Variants in PRKG1 observed in about 807,000 individuals in gnomAD.
The protein encoded by PRKG1 is protein kinase cGMP-dependent 1.
A neutral mutation model predicts 88.1 loss-of-function variants in PRKG1; 35 were observed. That is an observed-to-expected ratio of 0.40 (90% CI 0.30 to 0.53). The LOEUF (loss-of-function observed/expected upper bound fraction) is 0.53. Among genes scored for constraint, PRKG1 ranks in the 20% least tolerant of loss-of-function variants. The pLI is 0.59. For synonymous variants in PRKG1, 303 were observed against 292.5 expected, an observed-to-expected ratio of 1.04 and a Z score of -0.37; for missense variants, 540 against 839.8, an observed-to-expected ratio of 0.64 and a Z score of 4.41.
At chr10:51,030,995 A>AT (rs1554830864) in intron 1 of PRKG1, among the ~76,000 whole-genome samples, 1 of 152,124 alleles carries the variant, frequency 6.6e-6, no homozygotes, top group Non-Finnish European at 1.5e-5. Flanking sequence ...ACTGATTTTA[A>AT]TTTTTTTACT....
intron 4 of PRKG1, among the ~76,000 whole-genome samples, chr10:51,835,747 A>G (rs1390363576): frequency 6.6e-6 from 1 of 152,204 alleles, no homozygotes; most frequent in Non-Finnish European, 1.5e-5. Flanking sequence ...CTTTGGATAT[A>G]TACCCATTAG....
chr10:51,248,374 G>C (rs1839346170), intron 2 of PRKG1, among the ~76,000 whole-genome samples: 2 of 151,774 alleles, frequency 1.3e-5, no homozygotes, highest in African/African-American at 4.8e-5. Context: ...GGTTGGAAGA[G>C]AATAGTTTGC....
At chr10:51,736,623 T>A (rs1837288129) in intron 3 of PRKG1, among the ~76,000 whole-genome samples, 1 of 150,518 alleles carries the variant, frequency 6.6e-6, no homozygotes, top group Admixed American at 6.6e-5. Flanking sequence ...TTTTTTTTTT[T>A]AAGAGACAGG....
chr10:51,641,960 G>T (rs1210664280), intron 3 of PRKG1, among the ~76,000 whole-genome samples: 1 of 152,072 alleles, frequency 6.6e-6, no homozygotes, highest in African/African-American at 2.4e-5. Context: ...TTTAAACTAT[G>T]CAAAGGTGAA....
At chr10:51,747,222 T>C (rs1437213266) in intron 3 of PRKG1, among the ~76,000 whole-genome samples, 3 of 152,214 alleles carry the variant, frequency 2.0e-5, no homozygotes, top group South Asian at 4.2e-4. Flanking sequence ...TTCACAGTTA[T>C]TATCAACTCA....
At chr10:51,061,001 G>C (rs376803630) in intron 1 of PRKG1, among the ~76,000 whole-genome samples, 16 of 151,286 alleles carry the variant, frequency 1.1e-4, no homozygotes, top group African/African-American at 3.2e-4. Context: ...ATTTTTGTCT[G>C]TCTGCTCTTA....
chr10:52,233,750 A>T (rs542070623), intron 9 of PRKG1, among the ~76,000 whole-genome samples: 1,869 of 149,908 alleles, frequency 0.012, 15 homozygotes, highest in Middle Eastern at 0.05. Flanking sequence ...GGCGCCCGCC[A>T]TTGCCCAGGC....
At chr10:51,249,469 A>G (rs941495186) in intron 2 of PRKG1, among the ~76,000 whole-genome samples, 1 of 151,824 alleles carries the variant, frequency 6.6e-6, no homozygotes, top group Non-Finnish European at 1.5e-5. Context: ...ATGGCTGTAT[A>G]TGTTGTTCCT....
chr10:51,051,519 A>G (rs569666705), intron 1 of PRKG1, among the ~76,000 whole-genome samples: 37 of 152,088 alleles, frequency 2.4e-4, no homozygotes, highest in Non-Finnish European at 4.4e-4. Context: ...TTTGCCAATC[A>G]TATTTGTTTT....
chr10:51,696,168 C>T (rs1841287051), intron 3 of PRKG1: 2 of 152,160 alleles, frequency 1.3e-5, no homozygotes, highest in African/African-American at 4.8e-5. Flanking sequence ...AAACTTCTAC[C>T]TACCTGGGCC....
chr10:52,154,897 G>T (rs1256074729), intron 8 of PRKG1, among the ~76,000 whole-genome samples: 2 of 152,094 alleles, frequency 1.3e-5, no homozygotes, highest in African/African-American at 4.8e-5. Context: ...ATGATATTTG[G>T]CTTTCCTTTC....
At chr10:51,344,505 A>G (rs1417945748) in intron 2 of PRKG1, among the ~76,000 whole-genome samples, 1 of 152,214 alleles carries the variant, frequency 6.6e-6, no homozygotes, top group Non-Finnish European at 1.5e-5. Context: ...ACTCATATAC[A>G]AGGTAAACCT....
intron 4 of PRKG1, among the ~76,000 whole-genome samples, chr10:51,835,811 A>G (rs1016714530): frequency 2.0e-5 from 3 of 152,222 alleles, no homozygotes; most frequent in African/African-American, 4.8e-5. Context: ...AGGAACCTCC[A>G]TACTGTTTTC....
intron 4 of PRKG1, among the ~76,000 whole-genome samples, chr10:51,820,043 A>G (rs968928379): frequency 3.3e-5 from 5 of 152,170 alleles, no homozygotes; most frequent in African/African-American, 1.2e-4. Context: ...AAATTAATAA[A>G]GAATATATTT....
chr10:51,815,125 A>G (rs10823641), intron 4 of PRKG1, among the ~76,000 whole-genome samples: 32,608 of 152,040 alleles, frequency 0.21, 5,616 homozygotes, highest in African/African-American at 0.48. Context: ...CTATCTCCAT[A>G]AGAATACTTT....
intron 3 of PRKG1, among the ~76,000 whole-genome samples, chr10:51,482,934 G>A (rs1840407360): frequency 6.6e-6 from 1 of 150,830 alleles, no homozygotes; most frequent in Non-Finnish European, 1.5e-5. Flanking sequence ...ATGTCTTCCT[G>A]TTCCAGGACA....
intron 2 of PRKG1, among the ~76,000 whole-genome samples, chr10:51,161,270 A>G (rs183673333): frequency 5.9e-4 from 90 of 152,268 alleles, no homozygotes; most frequent in African/African-American, 2.1e-3. Context: ...ATGTGTGTAT[A>G]TGTACCATTA....
At chr10:51,392,135 A>AT (rs199677751) in intron 2 of PRKG1, among the ~76,000 whole-genome samples, 12,486 of 147,272 alleles carry the variant, frequency 0.085, 1,192 homozygotes, top group African/African-American at 0.22. Context: ...TACATGATGA[A>AT]TTTTTTTTTT....
At chr10:51,112,364 G>A (rs1192096590) in intron 1 of PRKG1, among the ~76,000 whole-genome samples, 2 of 151,912 alleles carry the variant, frequency 1.3e-5, no homozygotes, top group Admixed American at 6.6e-5. Context: ...GTAGGTTGTT[G>A]GAATAGTATA....
Sources: allele counts gnomAD v4.1 joint callset (sites outside exome capture counted in the v4.1 genomes callset), GRCh38; gene constraint gnomAD v4.1.1; transcripts MANE v1.5; gene names NCBI Gene and HGNC (gene_info 2026-07-23, HGNC 2026-07-21).